Variants in PROS1 observed in about 807,000 individuals in gnomAD.
The protein encoded by PROS1 is vitamin K-dependent protein S.
A neutral mutation model predicts 75.9 loss-of-function variants in PROS1; 29 were observed. That is an observed-to-expected ratio of 0.38 (90% confidence interval 0.28 to 0.52). The LOEUF is 0.52. Among genes scored for constraint, PROS1 ranks in the 20% least tolerant of loss-of-function variants. The probability of loss-of-function intolerance (pLI) is 0.83; values close to 1 mark genes in which losing one functional copy is unlikely to be tolerated. For synonymous variants in PROS1, 245 were observed against 280.6 expected (o/e 0.87, Z 1.27); for missense variants, 680 against 810.3 (o/e 0.84, Z 1.95).
chr3:93,898,879 CAACTT>C (rs1708543133), intron 7 of PROS1, among the ~76,000 whole-genome samples: 1 of 151,688 alleles, frequency 6.6e-6, no homozygotes, highest in African/African-American at 2.4e-5. Flanking sequence ...TTGAGAATCT[CAACTT>C]AACTGTCATT....
chr3:93,902,705 C>T (rs1237406847), intron 6 of PROS1, among the ~76,000 whole-genome samples: 1 of 150,926 alleles, frequency 6.6e-6, no homozygotes, highest in African/African-American at 2.4e-5. Context: ...GTGAGCCGAG[C>T]TCACACTACA....
Position 93,896,580 on chromosome 3 carries a change from T to C in PROS1, c.961A>G (p.Ser321Gly). The C allele has an allele frequency of 1.2e-6, 2 of 1,603,798 alleles. No homozygotes were observed. The highest frequency in any genetic ancestry group is 1.7e-6 in the Non-Finnish European group (2 of 1,170,728). The change falls in exon 9 of 15, where the codon AGC (serine) becomes GGC (glycine). Residue 321 changes from serine to glycine, a missense_variant. By Grantham distance (56) the Ser-to-Gly change is moderately conservative. Transcript: ENST00000394236. ...LYLKFRLPEI[S>G]RFSAEFDFRT... ...TCATTGGTATTGGTTCCTCACCTGC[T>C]GATTTCTGGCAAACGAAATTTTAAA...
intron 1 of PROS1, among the ~76,000 whole-genome samples, chr3:93,972,029 CAT>C (rs1709889542): frequency 6.6e-6 from 1 of 152,060 alleles, no homozygotes; most frequent in Non-Finnish European, 1.5e-5. Context: ...TGTAATTCCC[CAT>C]ATGTTTATAT....
chr3:93,941,281 C>T (rs1342532266), intron 1 of PROS1, among the ~76,000 whole-genome samples: 1 of 152,162 alleles, frequency 6.6e-6, no homozygotes, highest in Non-Finnish European at 1.5e-5. Context: ...AACATTTATT[C>T]TCCATGGGAT....
chr3:93,888,674 ACTT>A (rs1375322885), intron 10 of PROS1, among the ~76,000 whole-genome samples: 1 of 152,108 alleles, frequency 6.6e-6, no homozygotes, highest in Admixed American at 6.6e-5. Context: ...GAATCTGACC[ACTT>A]CTTACCACTC....
chr3:93,885,693 ATTTTAC>A (rs1708336014), intron 11 of PROS1, among the ~76,000 whole-genome samples: 1 of 152,190 alleles, frequency 6.6e-6, no homozygotes, highest in African/African-American at 2.4e-5. Context: ...TGAATAATTT[ATTTTAC>A]TTTTAAAGTG....
At chr3:93,962,038 C>T (rs530866617) in intron 1 of PROS1, among the ~76,000 whole-genome samples, 14 of 151,956 alleles carry the variant, frequency 9.2e-5, no homozygotes, top group Non-Finnish European at 1.8e-4. Flanking sequence ...TTGGAGAAAC[C>T]ACTGGAATTT....
intron 10 of PROS1, among the ~76,000 whole-genome samples, chr3:93,889,551 G>A (rs1416583029): frequency 2.6e-5 from 4 of 152,084 alleles, no homozygotes. Flanking sequence ...ATTTCCCAAA[G>A]AAGCATCAGC....
intron 1 of PROS1, chr3:93,928,813 T>A: frequency 9.4e-7 from 1 of 1,066,616 alleles, no homozygotes; most frequent in Non-Finnish European, 1.3e-6. Flanking sequence ...AAGAAAACAA[T>A]ATAAACAATC....
chr3:93,919,306 G>T (rs1395867706), intron 3 of PROS1, among the ~76,000 whole-genome samples: 1 of 152,076 alleles, frequency 6.6e-6, no homozygotes, highest in East Asian at 1.9e-4. Context: ...ATTTTTGGCA[G>T]ACTAATAGGT....
At chr3:93,933,873 G>A (rs1709142893) in intron 1 of PROS1, among the ~76,000 whole-genome samples, 1 of 152,160 alleles carries the variant, frequency 6.6e-6, no homozygotes. Flanking sequence ...GCTGGGCACG[G>A]TGGTGCGTGC....
At chr3:93,960,365 G>T (rs762237391) in intron 1 of PROS1, among the ~76,000 whole-genome samples, 4 of 151,622 alleles carry the variant, frequency 2.6e-5, no homozygotes, top group African/African-American at 9.7e-5. Context: ...TTTTAGTAGA[G>T]ATGAGTTTCA....
At chr3:93,914,884 C>T (rs1218708447) in intron 3 of PROS1, among the ~76,000 whole-genome samples, 1 of 152,150 alleles carries the variant, frequency 6.6e-6, no homozygotes, top group Admixed American at 6.5e-5. Flanking sequence ...CCTTTGCATC[C>T]TCATAGTTTA....
At chr3:93,956,533 T>TCTAC (rs1411361636) in intron 1 of PROS1, among the ~76,000 whole-genome samples, 2 of 113,338 alleles carry the variant, frequency 1.8e-5, no homozygotes, top group African/African-American at 3.4e-5. Flanking sequence ...TCTCTCTCTC[T>TCTAC]ACACACACAC....
At position 93,949,785 on chromosome 3, in the gene PROS1, G is replaced by A. The variant is rs1268518659; in HGVS notation, c.77-22378C>T. ...CCAGCATGAGCAACACAGAAGATGG[G>A]TGATTTCTGCATTTCCAACTGAGGT... On this transcript the variant is annotated intron_variant, in intron 1 of 14. Coordinates refer to ENST00000394236, the MANE Select transcript of PROS1 (RefSeq NM_000313.4). Among the ~76,000 whole-genome samples the A allele has an allele frequency of 3.3e-5, 5 of 152,322 alleles. No homozygotes were observed. The South Asian group carries it at 1.0e-3, about 32-fold the overall frequency.
chr3:93,898,325 C>T, intron 8 of PROS1, 123 bp downstream of exon 8: 1 of 1,164,538 alleles, frequency 8.6e-7, no homozygotes, highest in Non-Finnish European at 1.3e-6. Flanking sequence ...TCATAACCTG[C>T]TTAAAGCTAC....
At chr3:93,912,865 T>C (rs190030347) in intron 3 of PROS1, among the ~76,000 whole-genome samples, 3 of 152,300 alleles carry the variant, frequency 2.0e-5, no homozygotes, top group Admixed American at 6.5e-5. Flanking sequence ...CCCAACACTG[T>C]TCCATTGGGA....
In PROS1 at chr3:93,873,593, T is replaced by A. The variant is rs1700866154; in HGVS notation, c.*652A>T. Reference sequence around the variant, plus strand: ...TCCAACCTAATCTGATATCTCATCCTGACAGACTGCAGCTGCCAAGAAGAA... The same window carrying A: ...TCCAACCTAATCTGATATCTCATCCAGACAGACTGCAGCTGCCAAGAAGAA... On this transcript the variant is annotated 3_prime_UTR_variant, in exon 15 of 15. Coordinates refer to ENST00000394236, the MANE Select transcript of PROS1 (RefSeq NM_000313.4). 1 of 152,554 alleles carries A rather than the reference T, an allele frequency of 6.6e-6. No individual in the cohort carries two copies. Among genetic ancestry groups the A allele is most frequent in the African/African-American group, 2.4e-5 (1 of 41,470 alleles). 9.5% of individuals were successfully genotyped at this position (152,554 alleles called of 1,614,324 possible). A position where few individuals can be genotyped will look rare whatever the true frequency, so the allele number is the denominator to read the frequency against.
intron 1 of PROS1, among the ~76,000 whole-genome samples, chr3:93,964,808 G>A (rs764130338): frequency 5.9e-5 from 9 of 152,126 alleles, no homozygotes; most frequent in Non-Finnish European, 1.0e-4. Flanking sequence ...ACCCCCGGAG[G>A]TGCAGCTGTA....
Sources: allele counts gnomAD v4.1 joint callset (sites outside exome capture counted in the v4.1 genomes callset), GRCh38; gene constraint gnomAD v4.1.1; transcripts MANE v1.5; gene names NCBI Gene and HGNC (gene_info 2026-07-23, HGNC 2026-07-21).